CACNA1C: variants seen among roughly 807,000 people sequenced by gnomAD.
The protein encoded by CACNA1C is calcium voltage-gated channel subunit alpha1 C.
In CACNA1C, 30 loss-of-function variants were observed where a neutral mutation model predicts 229.0. The observed-to-expected ratio is 0.13, with a 90% CI of 0.10 to 0.18. The LOEUF (loss-of-function observed/expected upper bound fraction) is 0.18. Among genes scored for constraint, CACNA1C ranks in the 10% least tolerant of loss-of-function variants. CACNA1C has a pLI of 1.00. For synonymous variants in CACNA1C, 1,114 were observed against 1,132.5 expected, an observed-to-expected ratio of 0.98 and a Z score of 0.33; for missense variants, 1,658 against 2,845.0, an observed-to-expected ratio of 0.58 and a Z score of 9.49.
chr12:2,078,265 C>T (rs900065326), intron 1 of CACNA1C, among the ~76,000 whole-genome samples: 3 of 152,200 alleles, frequency 2.0e-5, no homozygotes, highest in Non-Finnish European at 2.9e-5. Context: ...CATCTGCTGG[C>T]ACCTTGATCT....
At chr12:2,511,653 A>G (rs1054341582) in intron 8 of CACNA1C, among the ~76,000 whole-genome samples, 8 of 152,118 alleles carry the variant, frequency 5.3e-5, no homozygotes, top group Non-Finnish European at 1.2e-4. Context: ...ATCAAAACCA[A>G]AAATACTCCC....
chr12:2,279,203 C>T (rs965928194), intron 3 of CACNA1C, among the ~76,000 whole-genome samples: 3 of 152,076 alleles, frequency 2.0e-5, no homozygotes, highest in African/African-American at 7.2e-5. Flanking sequence ...TTTTCTCTCT[C>T]ATCTTTGTTG....
intron 3 of CACNA1C, among the ~76,000 whole-genome samples, chr12:2,233,401 A>C (rs566615272): frequency 2.4e-4 from 37 of 152,334 alleles, no homozygotes; most frequent in South Asian, 6.2e-4. Flanking sequence ...GGTTTACATT[A>C]GTGAGTAAAA....
Position 2,697,169 on chromosome 12 carries a change from A to C in CACNA1C, c.*5970A>C, listed in dbSNP as rs4765976. ...ACCTATGCATCCAGCTGCAGCCCAT[A>C]CCCACACCTGAAATCCATCTCTTGA... is the stretch of plus-strand genomic sequence containing the variant. On this transcript the variant is annotated 3_prime_UTR_variant, in exon 47 of 47. Transcript: ENST00000399655. 0.97 allele frequency: 147,145 copies of C among 152,450 alleles called. 71,108 individuals are homozygous for C. The highest frequency in any genetic ancestry group is 1 in the East Asian group (5,174 of 5,174). The allele number at this position is 152,450 out of a possible 1,614,324, so 9.4% of individuals were successfully genotyped here.
In CACNA1C at chr12:2,655,129, C is replaced by G; in HGVS notation, c.4141-18C>G. The stretch of plus-strand genomic sequence containing the variant: ...TCTGTCCACAAATCACTGAACACCT[C>G]TTCCTTCTCTCTCCTAGGTGTTTGG... On this transcript the variant is annotated intron_variant, in intron 33 of 46. Coordinates refer to ENST00000399655, the MANE Select transcript of CACNA1C (RefSeq NM_000719.7). 2.9e-5 allele frequency: 43 copies of G among 1,467,392 alleles called. No homozygotes were observed. The highest frequency in any genetic ancestry group is 3.6e-5 in the Non-Finnish European group (38 of 1,047,042). The allele number at this position is 1,467,392 out of a possible 1,614,324, so 90.9% of individuals were successfully genotyped here.
chr12:2,350,149 C>T (rs773631340), intron 3 of CACNA1C, among the ~76,000 whole-genome samples: 14 of 152,160 alleles, frequency 9.2e-5, no homozygotes, highest in South Asian at 2.1e-4. Context: ...TCTTGCTGTT[C>T]GTGCCTTCTC....
At chr12:2,594,263 A>G in intron 19 of CACNA1C, among the ~76,000 whole-genome samples, 1 of 152,246 alleles carries the variant, frequency 6.6e-6, no homozygotes, top group Non-Finnish European at 1.5e-5. Context: ...AAGTACAGCC[A>G]TAATGTTTAA....
rs757101791 is a variant in CACNA1C, at chr12:2,677,788, G to C, written c.5012G>C (p.Gly1671Ala). ...CCTGAGATCCGACGGGCCATCTCTG[G>C]AGATCTCACCGCTGAGGAGGAGCTG... ...IGPEIRRAIS[G>A]DLTAEEELDK... Residue 1671 changes from glycine to alanine, a missense_variant, in exon 41 of 47, where the codon GGA becomes GCA. This residue lies in a region of CACNA1C where 590 missense variants were observed against 700.8 expected (regional missense o/e 0.84). Transcript: ENST00000399655. This position sits in a 1 kb window ranked among gnomAD's most constrained non-coding sequence, Gnocchi z 7.4. 1 of 1,614,002 alleles carries C rather than the reference G, an allele frequency of 6.2e-7. No individual in the cohort carries two copies. Among genetic ancestry groups the C allele is most frequent in the Non-Finnish European group, 8.5e-7 (1 of 1,179,890 alleles).
intron 9 of CACNA1C, among the ~76,000 whole-genome samples, chr12:2,532,865 A>T (rs977732207): frequency 3.0e-4 from 45 of 152,188 alleles, no homozygotes; most frequent in Non-Finnish European, 5.6e-4. Context: ...TCACATTTCA[A>T]GTCGATTTCA....
intron 9 of CACNA1C, among the ~76,000 whole-genome samples, chr12:2,518,624 A>C (rs75443925): frequency 6.6e-6 from 1 of 151,760 alleles, no homozygotes; most frequent in Non-Finnish European, 1.5e-5. Flanking sequence ...AAAAAAAAAA[A>C]TCAGTACGAT....
At chr12:2,096,332 C>A (rs1166690567) in intron 1 of CACNA1C, among the ~76,000 whole-genome samples, 1 of 152,208 alleles carries the variant, frequency 6.6e-6, no homozygotes, top group Non-Finnish European at 1.5e-5. Context: ...GGGCCTATGT[C>A]ATGTGCTGAG....
intron 3 of CACNA1C, chr12:2,217,986 T>C (rs2060413716): frequency 1.3e-5 from 2 of 152,206 alleles, no homozygotes; most frequent in African/African-American, 2.4e-5. Context: ...AGTCTCCACT[T>C]CTACCCGTCT....
chr12:2,647,903 G>A lies in CACNA1C; in HGVS notation c.3913-572G>A, dbSNP rs1295594125. Reference sequence around the variant, plus strand: ...TTTGGGAGGCCAAGGCAGGAGGATCGCTTGAGGCCAGCCCACGAGTTTGAG... The same window carrying A: ...TTTGGGAGGCCAAGGCAGGAGGATCACTTGAGGCCAGCCCACGAGTTTGAG... On this transcript the variant is annotated intron_variant, in intron 30 of 46. Coordinates refer to ENST00000399655, the MANE Select transcript of CACNA1C (RefSeq NM_000719.7). The surrounding 1 kb of genome is among the most constrained non-coding windows in gnomAD (Gnocchi z 4.2). Among the ~76,000 whole-genome samples, 4 of 152,180 alleles carry A rather than the reference G, an allele frequency of 2.6e-5. No homozygotes were observed. The highest frequency in any genetic ancestry group is 6.5e-5 in the Admixed American group (1 of 15,278).
chr12:2,412,885 G>A (rs2098823919), intron 3 of CACNA1C, among the ~76,000 whole-genome samples: 1 of 152,206 alleles, frequency 6.6e-6, no homozygotes, highest in Admixed American at 6.5e-5. Flanking sequence ...AGGGCACACT[G>A]AGAAAAGACT....
Position 2,585,296 on chromosome 12 carries a change from C to CA in CACNA1C, c.2340-79dup, listed in dbSNP as rs2061999950. 1.5e-5 allele frequency: 22 copies of CA among 1,447,926 alleles called. No homozygotes were observed. The highest frequency in any genetic ancestry group is 2.0e-5 in the Non-Finnish European group (22 of 1,075,762). The allele number at this position is 1,447,926 out of a possible 1,614,324, so 89.7% of individuals were successfully genotyped here. A position where few individuals can be genotyped will look rare whatever the true frequency, so the allele number is the denominator to read the frequency against. On this transcript the variant is annotated intron_variant, in intron 16 of 46. Coordinates refer to ENST00000399655, the MANE Select transcript of CACNA1C (RefSeq NM_000719.7). The surrounding 1 kb of genome is among the most constrained non-coding windows in gnomAD (Gnocchi z 4.1). ...TCTGTCCCCTCTGGCCCCAACAGGC[C>CA]ACAGGGCGGTTCCCTCCTACACTGT...
intron 3 of CACNA1C, among the ~76,000 whole-genome samples, chr12:2,358,182 G>A (rs1000194697): frequency 7.9e-5 from 12 of 151,872 alleles, no homozygotes; most frequent in African/African-American, 2.4e-4. Flanking sequence ...AGGAGGTGCC[G>A]TTCTCCGGGA....
chr12:2,404,219 T>A (rs576138287), intron 3 of CACNA1C, among the ~76,000 whole-genome samples: 80 of 152,312 alleles, frequency 5.3e-4, no homozygotes, highest in African/African-American at 1.7e-3. Context: ...TCCTTAGCTC[T>A]TCAGCACTGC....
At chr12:2,233,902 C>G (rs960456911) in intron 3 of CACNA1C, among the ~76,000 whole-genome samples, 10 of 152,164 alleles carry the variant, frequency 6.6e-5, no homozygotes, top group African/African-American at 9.7e-5. Context: ...CAAGTTGGAT[C>G]TGGGTTCAGC....
chr12:2,321,468 TATTA>T (rs1230308519), intron 3 of CACNA1C, among the ~76,000 whole-genome samples: 1 of 152,118 alleles, frequency 6.6e-6, no homozygotes, highest in African/African-American at 2.4e-5. Flanking sequence ...TTAATTAGTT[TATTA>T]ATTCTGGTGG....
Sources: allele counts gnomAD v4.1 joint callset (sites outside exome capture counted in the v4.1 genomes callset), GRCh38; gene constraint gnomAD v4.1.1; regional missense constraint gnomAD v4.1.1; non-coding constraint Gnocchi (gnomAD v3.1); transcripts MANE v1.5; gene names NCBI Gene and HGNC (gene_info 2026-07-23, HGNC 2026-07-21).